The following PCDHGA8 variants were observed in gnomAD, a reference collection of about 807,000 sequenced individuals.
The protein encoded by PCDHGA8 is protocadherin gamma subfamily A, 8, also known as protocadherin gamma-A8.
Under a neutral mutation model 59.2 loss-of-function variants are expected in PCDHGA8, and 45 were observed. The ratio of observed to expected loss-of-function variants is 0.76; its 90% confidence interval spans 0.60 to 0.98. The LOEUF (loss-of-function observed/expected upper bound fraction) is 0.98. Among genes scored for constraint, PCDHGA8 ranks in the 50% least tolerant of loss-of-function variants. The pLI, the probability that PCDHGA8 is intolerant of heterozygous loss-of-function variation, is 0.00. For synonymous variants in PCDHGA8, 531 were observed against 519.0 expected, an observed-to-expected ratio of 1.02 and a Z score of -0.32; for missense variants, 1,257 against 1,196.2, an observed-to-expected ratio of 1.05 and a Z score of -0.75.
chr5:141,395,589 T>C (rs1254958503), intron 1 of PCDHGA8: 2 of 194,644 alleles, frequency 1.0e-5, no homozygotes, highest in Admixed American at 1.2e-4. Context: ...TGTGTGTGTG[T>C]GTATCCCAAA....
At chr5:141,423,500 T>A (rs1191111288) in intron 1 of PCDHGA8, 1 of 1,613,732 alleles carries the variant, frequency 6.2e-7, no homozygotes, top group Non-Finnish European at 8.5e-7. Flanking sequence ...TCCCACGAGG[T>A]CTCTCTCATT....
At chr5:141,422,898 C>CTCTG (rs747261683) in intron 1 of PCDHGA8, 4 of 1,614,250 alleles carry the variant, frequency 2.5e-6, no homozygotes, top group Non-Finnish European at 3.4e-6. Flanking sequence ...TGGACCAGAA[C>CTCTG]GACAATGCGC....
rs909174523 is a variant in PCDHGA8 at position 141,474,102 on chromosome 5, A to AAAC, written c.2425-20695_2425-20693dup. 2.6e-5 allele frequency among the ~76,000 whole-genome samples: 4 copies of AAAC among 152,286 alleles called. No homozygotes were observed. In the East Asian group the frequency reaches 7.7e-4, roughly 29 times the overall value. ...AAAACCAAAAAACAAACAACAACAA[A>AAAC]AACAACAACAACGAAAATCTCAGAA... is the stretch of plus-strand genomic sequence containing the variant. On this transcript the variant is annotated intron_variant, in intron 1 of 3. Coordinates refer to ENST00000398604, the MANE Select transcript of PCDHGA8 (RefSeq NM_032088.2).
chr5:141,393,126 A>T lies in PCDHGA8; in HGVS notation c.313A>T (p.Asn105Tyr). Residue 105 changes from asparagine to tyrosine, a missense_variant, in exon 1 of 4, where the codon AAT becomes TAT. Transcript: ENST00000398604. ...CGCTCAGAGCCCGCGGTGTCTGATA[A>T]ATATTAACACCCTGGTTGAGGATAA... ...LCAQSPRCLI[N>Y]INTLVEDKGK... 1 of 1,613,436 alleles carries T rather than the reference A, an allele frequency of 6.2e-7. No individual in the cohort carries two copies. Among genetic ancestry groups the T allele is most frequent in the Non-Finnish European group, 8.5e-7 (1 of 1,179,898 alleles).
intron 1 of PCDHGA8, chr5:141,400,589 A>G (rs771561940): frequency 4.4e-6 from 7 of 1,605,662 alleles, no homozygotes; most frequent in South Asian, 2.2e-5. Flanking sequence ...ACATGAAACT[A>G]TCGTACATTT....
At chr5:141,419,770 G>C in intron 1 of PCDHGA8, 1 of 1,614,006 alleles carries the variant, frequency 6.2e-7, no homozygotes, top group Non-Finnish European at 8.5e-7. Context: ...ACAAGGACTC[G>C]GTCCGCCAGC....
In PCDHGA8 at chr5:141,465,057, A is replaced by T. The variant is rs1253395484; in HGVS notation, c.2425-29750A>T. 3.3e-5 allele frequency among the ~76,000 whole-genome samples: 5 copies of T among 151,646 alleles called. No homozygotes were observed. The East Asian group carries it at 9.6e-4, about 29-fold the overall frequency. ...ACAAATGACCCTATATATTTTTTTG[A>T]ATTGTCTGTTCATGTCTTATTTTCA... On this transcript the variant is annotated intron_variant, in intron 1 of 3. Coordinates refer to ENST00000398604, the MANE Select transcript of PCDHGA8 (RefSeq NM_032088.2).
intron 1 of PCDHGA8, among the ~76,000 whole-genome samples, chr5:141,445,787 T>C (rs2098477657): frequency 1.3e-5 from 2 of 152,182 alleles, no homozygotes; most frequent in South Asian, 4.1e-4. Context: ...CTAGGGAGGC[T>C]AGAAACAGAA....
chr5:141,444,043 T>C (rs542828018), intron 1 of PCDHGA8, among the ~76,000 whole-genome samples: 1 of 151,820 alleles, frequency 6.6e-6, no homozygotes, highest in African/African-American at 2.4e-5. Context: ...AATCAGATAA[T>C]TTGGCATCTT....
chr5:141,413,211 G>A, intron 1 of PCDHGA8: 1 of 1,613,214 alleles, frequency 6.2e-7, no homozygotes, highest in South Asian at 1.1e-5. Context: ...AGGAATCAAA[G>A]GATTGCAGCG....
At chr5:141,470,851 A>G (rs1410012138) in intron 1 of PCDHGA8, among the ~76,000 whole-genome samples, 2 of 151,876 alleles carry the variant, frequency 1.3e-5, no homozygotes, top group Non-Finnish European at 2.9e-5. Context: ...CCATGCTCAG[A>G]TAAGTTTTTT....
Position 141,476,035 on chromosome 5 carries a change from C to A in PCDHGA8, c.2425-18772C>A. On this transcript the variant is annotated intron_variant, in intron 1 of 3. Coordinates refer to ENST00000398604, the MANE Select transcript of PCDHGA8 (RefSeq NM_032088.2). This position sits in a 1 kb window ranked among gnomAD's most constrained non-coding sequence, Gnocchi z 7.6. ...CATGTCGGACTCGGCGCCCAGCGCCCAAGCGCTAACCCGCTGAAAGTTTCT... is the reference window on the plus strand; with the variant it reads ...CATGTCGGACTCGGCGCCCAGCGCCAAAGCGCTAACCCGCTGAAAGTTTCT... The A allele has an allele frequency of 1.4e-6, 2 of 1,466,592 alleles. No individual in the cohort carries two copies. The highest frequency in any genetic ancestry group is 1.8e-6 in the Non-Finnish European group (2 of 1,102,494). 90.8% of individuals were successfully genotyped at this position (1,466,592 alleles called of 1,614,324 possible). A position where few individuals can be genotyped will look rare whatever the true frequency, so the allele number is the denominator to read the frequency against.
chr5:141,418,093 C>A, intron 1 of PCDHGA8: 2 of 1,614,032 alleles, frequency 1.2e-6, no homozygotes, highest in Non-Finnish European at 1.7e-6. Context: ...TCAGCGTAGA[C>A]GCGCAGAGCG....
intron 1 of PCDHGA8, chr5:141,409,079 T>C (rs2095221320): frequency 2.5e-6 from 4 of 1,613,908 alleles, no homozygotes; most frequent in Non-Finnish European, 3.4e-6. Context: ...ACATATGTTC[T>C]CATTGGATGA....
At chr5:141,433,360 T>C (rs1313053553) in intron 1 of PCDHGA8, 46 of 298,056 alleles carry the variant, frequency 1.5e-4, no homozygotes, top group Non-Finnish European at 2.5e-4. Context: ...ACTGTCTGCC[T>C]ATCTATCTAT....
chr5:141,485,895 C>G lies in PCDHGA8; in HGVS notation c.2425-8912C>G, dbSNP rs1243568042. On this transcript the variant is annotated intron_variant, in intron 1 of 3. Coordinates refer to ENST00000398604, the MANE Select transcript of PCDHGA8 (RefSeq NM_032088.2). This position sits in a 1 kb window ranked among gnomAD's most constrained non-coding sequence, Gnocchi z 5.7. Reference sequence around the variant, plus strand: ...CTGGACGTAAACGACAACGCCCCAGCCTTCCAGCAATCCAGCTACAGGATT... The same window carrying G: ...CTGGACGTAAACGACAACGCCCCAGGCTTCCAGCAATCCAGCTACAGGATT... 3 of 1,614,136 alleles carry G rather than the reference C, an allele frequency of 1.9e-6. No individual in the cohort carries two copies. The highest frequency in any genetic ancestry group is 2.5e-6 in the Non-Finnish European group (3 of 1,180,036).
At chr5:141,502,169 G>A (rs1366413076) in intron 2 of PCDHGA8, among the ~76,000 whole-genome samples, 1 of 152,110 alleles carries the variant, frequency 6.6e-6, no homozygotes, top group African/African-American at 2.4e-5. Flanking sequence ...ATTCAGTTGA[G>A]GAATTTAACA....
chr5:141,413,762 C>T (rs538764130), intron 1 of PCDHGA8: 3 of 1,612,894 alleles, frequency 1.9e-6, no homozygotes, highest in Admixed American at 1.7e-5. Flanking sequence ...GTCAAGTACC[C>T]GGAGCTGGTA....
At chr5:141,409,036 C>T in intron 1 of PCDHGA8, 1 of 1,614,020 alleles carries the variant, frequency 6.2e-7, no homozygotes, top group Non-Finnish European at 8.5e-7. Context: ...CTGAGATAAA[C>T]TACTACTTCC....
Sources: gnomAD v4.1 joint callset for allele counts (sites outside exome capture counted in the v4.1 genomes callset) on GRCh38, gnomAD v4.1.1 for gene constraint, Gnocchi (gnomAD v3.1) non-coding constraint, MANE v1.5 for transcripts, NCBI Gene and HGNC (gene_info 2026-07-23, HGNC 2026-07-21) for gene names.